TEAD1: variants seen among roughly 807,000 people sequenced by gnomAD.
TEAD1 encodes transcriptional enhancer factor TEF-1.
In TEAD1, 9 loss-of-function variants were observed where a neutral mutation model predicts 54.9. The ratio of observed to expected loss-of-function variants is 0.16; its 90% CI spans 0.10 to 0.29. The LOEUF is 0.29. TEAD1 is among the 10% of genes least tolerant of loss of function. TEAD1 has a pLI of 1.00. For missense variants in TEAD1, 387 were observed against 535.9 expected (o/e 0.72, Z 2.74); for synonymous variants, 200 against 187.8 (o/e 1.07, Z -0.53).
intron 2 of TEAD1, among the ~76,000 whole-genome samples, chr11:12,704,562 C>T (rs1046428325): frequency 6.6e-6 from 1 of 152,246 alleles, no homozygotes; most frequent in Non-Finnish European, 1.5e-5. Flanking sequence ...CCAGCTCCAA[C>T]AGCATAAGAA....
Position 12,861,029 on chromosome 11 carries a change from G to A in TEAD1, c.203-1221G>A, listed in dbSNP as rs1269785138. 3.3e-5 allele frequency among the ~76,000 whole-genome samples: 5 copies of A among 152,184 alleles called. No homozygotes were observed. In the East Asian group the frequency reaches 5.8e-4, roughly 18 times the overall value. On this transcript the variant is annotated intron_variant, in intron 3 of 12. Coordinates refer to ENST00000527636, the MANE Select transcript of TEAD1 (RefSeq NM_021961.6). Reference sequence around the variant, plus strand: ...TCTTGACCAAAGGAATTTTTCACAAGGATAGAGCTGAGCTGATACAAAGCC... The same window carrying A: ...TCTTGACCAAAGGAATTTTTCACAAAGATAGAGCTGAGCTGATACAAAGCC...
chr11:12,738,066 G>GC (rs5789739), intron 2 of TEAD1, among the ~76,000 whole-genome samples: 1,790 of 152,194 alleles, frequency 0.012, 42 homozygotes, highest in African/African-American at 0.04. Flanking sequence ...GGGGGAAATT[G>GC]CCCCCATGAT....
chr11:12,744,162 T>C lies in TEAD1; in HGVS notation c.-54-20017T>C, dbSNP rs184125722. The stretch of plus-strand genomic sequence containing the variant: ...TGTCACATTAGAATTTAGGGCTATT[T>C]AGAAAGCACTGAGACATGTCCTTTT... On this transcript the variant is annotated intron_variant, in intron 2 of 12. Coordinates refer to ENST00000527636, the MANE Select transcript of TEAD1 (RefSeq NM_021961.6). Among the ~76,000 whole-genome samples the C allele has an allele frequency of 6.4e-3, 978 of 152,324 alleles. 5 individuals carry two copies. Among genetic ancestry groups the C allele is most frequent in the Middle Eastern group, 0.01 (3 of 294 alleles).
intron 9 of TEAD1, among the ~76,000 whole-genome samples, chr11:12,892,062 A>C (rs1948208439): frequency 6.6e-6 from 1 of 152,242 alleles, no homozygotes. Context: ...TTGAGCCCGC[A>C]TGGAAGGTCT....
intron 10 of TEAD1, among the ~76,000 whole-genome samples, chr11:12,918,288 A>G (rs1948749133): frequency 6.6e-6 from 1 of 151,286 alleles, no homozygotes; most frequent in African/African-American, 2.4e-5. Context: ...AATAGCCATA[A>G]CACTATCAGC....
At chr11:12,677,940 T>C (rs958001331) in intron 2 of TEAD1, among the ~76,000 whole-genome samples, 5 of 152,218 alleles carry the variant, frequency 3.3e-5, no homozygotes, top group East Asian at 1.9e-4. Flanking sequence ...TTGTGTCTTA[T>C]CACTCAAGGT....
chr11:12,893,059 C>G (rs927972003), intron 9 of TEAD1, among the ~76,000 whole-genome samples: 1 of 152,222 alleles, frequency 6.6e-6, no homozygotes, highest in African/African-American at 2.4e-5. Context: ...CAACTTGCCT[C>G]AAGCCACTCA....
intron 10 of TEAD1, among the ~76,000 whole-genome samples, chr11:12,908,883 G>GTTTTTGTTTTTTTTTT (rs769023879): frequency 9.0e-5 from 9 of 99,658 alleles, no homozygotes; most frequent in East Asian, 4.0e-4. Context: ...CAAATTATCT[G>GTTTTTGTTTTTTTTTT]TTTTTTTTTT....
At chr11:12,714,303 A>G (rs1236516614) in intron 2 of TEAD1, among the ~76,000 whole-genome samples, 6 of 152,136 alleles carry the variant, frequency 3.9e-5, no homozygotes, top group Non-Finnish European at 7.4e-5. Flanking sequence ...GAGTGGGATG[A>G]TAGGATCTGC....
rs1446039710 is a variant in TEAD1 at position 12,760,775 on chromosome 11, A to C, written c.-54-3404A>C. Among the ~76,000 whole-genome samples, 4 of 152,192 alleles carry C rather than the reference A, an allele frequency of 2.6e-5. No individual in the cohort carries two copies. The East Asian group carries it at 7.7e-4, about 29-fold the overall frequency. The stretch of plus-strand genomic sequence containing the variant: ...GCCTGTAGATACAAGGCCAGTTTCC[A>C]GGATGAGGTGGAGTTTGAGCTGGAC... On this transcript the variant is annotated intron_variant, in intron 2 of 12. Transcript: ENST00000527636.
intron 2 of TEAD1, among the ~76,000 whole-genome samples, chr11:12,681,733 A>C (rs1943226288): frequency 1.3e-5 from 2 of 152,172 alleles, no homozygotes; most frequent in African/African-American, 4.8e-5. Context: ...GGCATGGGGG[A>C]AGCTAGGGCG....
intron 3 of TEAD1, among the ~76,000 whole-genome samples, chr11:12,804,620 T>C (rs2133980059): frequency 6.6e-6 from 1 of 152,342 alleles, no homozygotes; most frequent in South Asian, 2.1e-4. Flanking sequence ...GTTTGTGATG[T>C]GGCTTCTGCA....
chr11:12,812,983 G>A (rs1468877915), intron 3 of TEAD1, among the ~76,000 whole-genome samples: 2 of 152,246 alleles, frequency 1.3e-5, no homozygotes, highest in Non-Finnish European at 2.9e-5. Context: ...AGTGACTGTC[G>A]TGTCTGTCTG....
At chr11:12,737,162 T>G (rs972949874) in intron 2 of TEAD1, among the ~76,000 whole-genome samples, 1 of 151,898 alleles carries the variant, frequency 6.6e-6, no homozygotes, top group Non-Finnish European at 1.5e-5. Flanking sequence ...GAGGCCTAGG[T>G]AGGGGGAAAA....
intron 2 of TEAD1, among the ~76,000 whole-genome samples, chr11:12,747,280 A>T (rs1333729240): frequency 1.3e-5 from 2 of 152,076 alleles, no homozygotes; most frequent in African/African-American, 4.8e-5. Flanking sequence ...TATAGCAGGG[A>T]AGAAGGTGGA....
intron 3 of TEAD1, among the ~76,000 whole-genome samples, chr11:12,813,225 T>C (rs532254810): frequency 2.6e-5 from 4 of 152,274 alleles, no homozygotes; most frequent in South Asian, 4.2e-4. Flanking sequence ...TCCACCACTT[T>C]GGATATTTGG....
At chr11:12,835,976 G>C (rs1015547164) in intron 3 of TEAD1, among the ~76,000 whole-genome samples, 4 of 152,102 alleles carry the variant, frequency 2.6e-5, no homozygotes, top group African/African-American at 4.8e-5. Flanking sequence ...CAAAAGACTA[G>C]GTTTTAAATG....
chr11:12,838,335 A>T (rs1946950313), intron 3 of TEAD1, among the ~76,000 whole-genome samples: 1 of 152,224 alleles, frequency 6.6e-6, no homozygotes. Flanking sequence ...GCCTCCAAGA[A>T]TATCCCTAGG....
chr11:12,868,062 C>G (rs59339880), intron 5 of TEAD1, among the ~76,000 whole-genome samples: 1 of 152,168 alleles, frequency 6.6e-6, no homozygotes, highest in Admixed American at 6.5e-5. Context: ...ACCAGACTTG[C>G]ATTTGTCTGT....
Sources: allele counts gnomAD v4.1 joint callset (sites outside exome capture counted in the v4.1 genomes callset), GRCh38; gene constraint gnomAD v4.1.1; transcripts MANE v1.5; gene names NCBI Gene and HGNC (gene_info 2026-07-23, HGNC 2026-07-21).